PITPNC1: variants seen among roughly 807,000 people sequenced by gnomAD.
The protein encoded by PITPNC1 is cytoplasmic phosphatidylinositol transfer protein 1.
Under a neutral mutation model 44.7 loss-of-function variants are expected in PITPNC1, and 18 were observed. That is an observed-to-expected ratio of 0.40 (90% CI 0.28 to 0.60). The LOEUF (loss-of-function observed/expected upper bound fraction) is 0.60, where lower values mean the gene tolerates loss of function less well. Among genes scored for constraint, PITPNC1 ranks in the 20% least tolerant of loss-of-function variants. The pLI is 0.39. For synonymous variants in PITPNC1, 141 were observed against 149.6 expected (o/e 0.94, Z 0.42); for missense variants, 290 against 418.4 (o/e 0.69, Z 2.68).
chr17:67,522,508 T>G (rs2040337476), intron 1 of PITPNC1, among the ~76,000 whole-genome samples: 1 of 152,100 alleles, frequency 6.6e-6, no homozygotes, highest in Non-Finnish European at 1.5e-5. Flanking sequence ...TAAAAATTAT[T>G]TCATAATAAA....
chr17:67,389,728 A>G (rs1199242678), intron 1 of PITPNC1, among the ~76,000 whole-genome samples: 1 of 152,052 alleles, frequency 6.6e-6, no homozygotes, highest in African/African-American at 2.4e-5. Flanking sequence ...TGCCCAGGCT[A>G]GAGTGCTATG....
intron 1 of PITPNC1, among the ~76,000 whole-genome samples, chr17:67,446,428 G>A (rs2143936618): frequency 6.6e-6 from 1 of 151,076 alleles, no homozygotes; most frequent in African/African-American, 2.4e-5. Flanking sequence ...AAAAAAAAAG[G>A]AAAATAAAAG....
intron 1 of PITPNC1, among the ~76,000 whole-genome samples, chr17:67,433,746 GCAGGCT>G (rs2038892996): frequency 6.6e-6 from 1 of 152,102 alleles, no homozygotes; most frequent in African/African-American, 2.4e-5. Flanking sequence ...GAAGCCAGGT[GCAGGCT>G]CAGGAGGCTG....
intron 1 of PITPNC1, among the ~76,000 whole-genome samples, chr17:67,421,918 T>C (rs2038677494): frequency 6.6e-6 from 1 of 152,184 alleles, no homozygotes; most frequent in Non-Finnish European, 1.5e-5. Flanking sequence ...TGAGAGACCT[T>C]CCAGGAATAA....
intron 6 of PITPNC1, among the ~76,000 whole-genome samples, chr17:67,647,478 T>TTTTTTTTTTG (rs2042164623): frequency 7.8e-6 from 1 of 128,324 alleles, no homozygotes; most frequent in South Asian, 2.6e-4. Context: ...TTTTTTTTTT[T>TTTTTTTTTTG]TTTTTTTTTT....
At chr17:67,645,019 T>A (rs1567756360) in intron 6 of PITPNC1, among the ~76,000 whole-genome samples, 2 of 152,254 alleles carry the variant, frequency 1.3e-5, no homozygotes, top group African/African-American at 4.8e-5. Flanking sequence ...GAGCTTCCCA[T>A]CTTTTTTCAT....
chr17:67,618,829 C>T (rs527618214), intron 5 of PITPNC1, among the ~76,000 whole-genome samples: 2 of 152,096 alleles, frequency 1.3e-5, no homozygotes, highest in East Asian at 3.9e-4. Context: ...GAGGCCGAGA[C>T]GGGCAGGATC....
At chr17:67,646,838 T>A (rs1174328631) in intron 6 of PITPNC1, among the ~76,000 whole-genome samples, 1 of 152,112 alleles carries the variant, frequency 6.6e-6, no homozygotes, top group Non-Finnish European at 1.5e-5. Context: ...CAGCCAACAT[T>A]GTCTCCATTT....
intron 1 of PITPNC1, among the ~76,000 whole-genome samples, chr17:67,450,828 T>C (rs1360400687): frequency 6.6e-6 from 1 of 152,182 alleles, no homozygotes; most frequent in Non-Finnish European, 1.5e-5. Flanking sequence ...TCATTCCAAA[T>C]AGAAATTCCA....
At chr17:67,615,061 G>C (rs2041740423) in intron 5 of PITPNC1, among the ~76,000 whole-genome samples, 1 of 152,134 alleles carries the variant, frequency 6.6e-6, no homozygotes, top group Non-Finnish European at 1.5e-5. Context: ...GCTAGCCCCA[G>C]CCTGTCTTAC....
In PITPNC1 at chr17:67,397,836, G is replaced by T. The variant is rs193063911; in HGVS notation, c.48+19634G>T. Among the ~76,000 whole-genome samples, 32 of 152,302 alleles carry T rather than the reference G, an allele frequency of 2.1e-4. No homozygotes were observed. In the East Asian group the frequency reaches 4.1e-3, roughly 19 times the overall value. Reference sequence around the variant, plus strand: ...AGGCCAGGTGCGGTGGCTCACGCCTGTAATCCCAGCACTTTGGGAGGCCGA... The same window carrying T: ...AGGCCAGGTGCGGTGGCTCACGCCTTTAATCCCAGCACTTTGGGAGGCCGA... On this transcript the variant is annotated intron_variant, in intron 1 of 8. Coordinates refer to ENST00000581322, the MANE Select transcript of PITPNC1 (RefSeq NM_012417.4).
At chr17:67,451,790 A>G (rs1377066447) in intron 1 of PITPNC1, among the ~76,000 whole-genome samples, 1 of 151,992 alleles carries the variant, frequency 6.6e-6, no homozygotes, top group Non-Finnish European at 1.5e-5. Context: ...AGGTGCCCAC[A>G]TCACGCCTGG....
At chr17:67,556,817 T>A (rs897395255) in intron 4 of PITPNC1, among the ~76,000 whole-genome samples, 1 of 151,950 alleles carries the variant, frequency 6.6e-6, no homozygotes, top group Non-Finnish European at 1.5e-5. Flanking sequence ...CTAGGCAGAG[T>A]TCGGGAAAAT....
intron 3 of PITPNC1, among the ~76,000 whole-genome samples, 157 bp downstream of exon 3, chr17:67,552,502 A>C (rs556072325): frequency 6.6e-6 from 1 of 152,092 alleles, no homozygotes; most frequent in Non-Finnish European, 1.5e-5. Flanking sequence ...TAGGTTATCA[A>C]CACTTCTAAC....
intron 1 of PITPNC1, among the ~76,000 whole-genome samples, chr17:67,460,538 C>T (rs541136483): frequency 6.6e-6 from 1 of 152,104 alleles, no homozygotes; most frequent in South Asian, 2.1e-4. Flanking sequence ...ATTCTCCTGC[C>T]TCAGCCTCCC....
chr17:67,500,028 C>T (rs571259457), intron 1 of PITPNC1, among the ~76,000 whole-genome samples: 5 of 152,304 alleles, frequency 3.3e-5, no homozygotes, highest in African/African-American at 1.2e-4. Context: ...TCCATCTTCT[C>T]CCCTTGAATA....
intron 4 of PITPNC1, among the ~76,000 whole-genome samples, chr17:67,554,463 G>A (rs955907004): frequency 6.6e-6 from 1 of 151,964 alleles, no homozygotes; most frequent in African/African-American, 2.4e-5. Context: ...TCACCATGTT[G>A]GCCAGGCTGG....
chr17:67,393,140 A>AG (rs1209885849), intron 1 of PITPNC1, among the ~76,000 whole-genome samples: 1 of 152,134 alleles, frequency 6.6e-6, no homozygotes, highest in East Asian at 1.9e-4. Context: ...AAAAAAAAAA[A>AG]AAAAGCAGAA....
intron 1 of PITPNC1, among the ~76,000 whole-genome samples, chr17:67,383,576 C>T (rs758862081): frequency 1.3e-5 from 2 of 152,172 alleles, no homozygotes; most frequent in African/African-American, 2.4e-5. Context: ...CAGTGAGCGA[C>T]CTGCTCACCA....
Sources: allele counts gnomAD v4.1 joint callset (sites outside exome capture counted in the v4.1 genomes callset), GRCh38; gene constraint gnomAD v4.1.1; transcripts MANE v1.5; gene names NCBI Gene and HGNC (gene_info 2026-07-23, HGNC 2026-07-21).